Variants in LIPC observed in about 807,000 individuals in gnomAD.
LIPC encodes hepatic triacylglycerol lipase.
In LIPC, 44 loss-of-function variants were observed where a neutral mutation model predicts 50.7. That is an observed-to-expected ratio of 0.87 (90% CI 0.68 to 1.11). The LOEUF (loss-of-function observed/expected upper bound fraction) is 1.11, where lower values mean the gene tolerates loss of function less well. LIPC is among the 50% of genes most tolerant of loss of function. LIPC has a pLI of 0.00. For missense variants in LIPC, 697 were observed against 648.2 expected, an observed-to-expected ratio of 1.08 and a Z score of -0.82; for synonymous variants, 271 against 256.4, an observed-to-expected ratio of 1.06 and a Z score of -0.54.
chr15:58,541,888 C>G lies in LIPC; in HGVS notation c.377C>G (p.Ala126Gly), dbSNP rs768409840. The change falls in exon 3 of 9, where the codon GCC (alanine) becomes GGC (glycine). Residue 126 changes from alanine (A) to glycine (G), a missense_variant. Transcript: ENST00000299022. ...GGGCTGGTGGACTGGATCACCCTGG[C>G]CCACGACCACTACACCATCGCCGTC... ...NVGLVDWITL[A>G]HDHYTIAVRN... The G allele has an allele frequency of 1.9e-6, 3 of 1,612,170 alleles. No homozygotes were observed. Among genetic ancestry groups the G allele is most frequent in the Non-Finnish European group, 1.7e-6 (2 of 1,179,976 alleles).
intron 1 of LIPC, among the ~76,000 whole-genome samples, chr15:58,469,391 T>C (rs1250320858): frequency 2.0e-5 from 3 of 152,196 alleles, no homozygotes; most frequent in Admixed American, 2.0e-4. Flanking sequence ...GAGTACTGAT[T>C]ACCAAAGGAA....
intron 1 of LIPC, among the ~76,000 whole-genome samples, chr15:58,469,019 A>C (rs1894679561): frequency 6.6e-6 from 1 of 152,110 alleles, no homozygotes; most frequent in Non-Finnish European, 1.5e-5. Context: ...TGAAAACGTC[A>C]TGATGAGGTA....
chr15:58,439,947 A>T (rs1328546127), intron 1 of LIPC, among the ~76,000 whole-genome samples: 1 of 152,112 alleles, frequency 6.6e-6, no homozygotes, highest in East Asian at 1.9e-4. Context: ...CTTCCTACAG[A>T]AACAACACGA....
At chr15:58,478,741 G>T (rs116267716) in intron 1 of LIPC, among the ~76,000 whole-genome samples, 3 of 152,160 alleles carry the variant, frequency 2.0e-5, no homozygotes, top group Non-Finnish European at 4.4e-5. Flanking sequence ...ACTACTGCAC[G>T]CTTGTTTTGT....
intron 1 of LIPC, chr15:58,454,970 T>C (rs1894055128): frequency 6.6e-6 from 1 of 152,262 alleles, no homozygotes; most frequent in Non-Finnish European, 1.5e-5. Context: ...AAAACTCCTC[T>C]GTTCTCATTT....
In LIPC at chr15:58,437,140, T is replaced by C. The variant is rs75453692; in HGVS notation, c.88+5020T>C. ...ATGAAGTTCAGAAACAAAAGCCTAT[T>C]GCTGGCCCCTAAGCACTCACAGTTT... On this transcript the variant is annotated intron_variant, in intron 1 of 8. Transcript: ENST00000299022. Among the ~76,000 whole-genome samples, 1,253 of 152,292 alleles carry C rather than the reference T, an allele frequency of 8.2e-3. 16 individuals are homozygous for C. The highest frequency in any genetic ancestry group is 0.029 in the African/African-American group (1,215 of 41,562).
At chr15:58,563,364 T>C (rs1566953256) in intron 7 of LIPC, 141 bp from the exon 8 acceptor site, 3 of 721,898 alleles carry the variant, frequency 4.2e-6, no homozygotes, top group East Asian at 5.4e-5. Flanking sequence ...ACTCTATCAA[T>C]AGTCTGTTGA....
chr15:58,485,513 C>A (rs956073805), intron 1 of LIPC, among the ~76,000 whole-genome samples: 1 of 152,170 alleles, frequency 6.6e-6, no homozygotes, highest in African/African-American at 2.4e-5. Flanking sequence ...GACCCTCGCA[C>A]GTGCTGATCT....
chr15:58,503,354 G>T (rs950648439), intron 1 of LIPC, among the ~76,000 whole-genome samples: 1 of 152,190 alleles, frequency 6.6e-6, no homozygotes, highest in Non-Finnish European at 1.5e-5. Flanking sequence ...AAGGAGTGGA[G>T]GGGGCAGAGT....
At chr15:58,456,063 C>T (rs1300727755) in intron 1 of LIPC, 2 of 151,730 alleles carry the variant, frequency 1.3e-5, no homozygotes, top group South Asian at 2.1e-4. Context: ...GACAGAGAGC[C>T]GTAAAGCATG....
At chr15:58,485,239 T>C (rs1394008630) in intron 1 of LIPC, among the ~76,000 whole-genome samples, 1 of 152,138 alleles carries the variant, frequency 6.6e-6, no homozygotes, top group Non-Finnish European at 1.5e-5. Flanking sequence ...GAGTTGATAC[T>C]CCCTTGGATG....
At chr15:58,491,162 G>A (rs955823661) in intron 1 of LIPC, among the ~76,000 whole-genome samples, 6 of 152,136 alleles carry the variant, frequency 3.9e-5, no homozygotes, top group East Asian at 3.9e-4. Flanking sequence ...GTGCACACAC[G>A]CCCGCCCCAT....
At chr15:58,538,600 A>T in intron 2 of LIPC, 83 bp downstream of exon 2, 1 of 1,390,544 alleles carries the variant, frequency 7.2e-7, no homozygotes, top group South Asian at 1.2e-5. Context: ...TCATAAAAAG[A>T]TAGGGAGCTG....
intron 1 of LIPC, among the ~76,000 whole-genome samples, chr15:58,445,706 C>T (rs1467572137): frequency 6.6e-6 from 1 of 152,196 alleles, no homozygotes; most frequent in Non-Finnish European, 1.5e-5. Context: ...CATCACTTCC[C>T]AGCACGTGGC....
chr15:58,449,963 A>C lies in LIPC; in HGVS notation c.88+17843A>C, dbSNP rs536312995. ...CCATCAGATATTCTAATGTCCTCCGAGGCTCTGGAACAAAGACCAGAGGGA... is the reference window on the plus strand; with the variant it reads ...CCATCAGATATTCTAATGTCCTCCGCGGCTCTGGAACAAAGACCAGAGGGA... On this transcript the variant is annotated intron_variant, in intron 1 of 8. Transcript: ENST00000299022. Among the ~76,000 whole-genome samples, 17 of 152,298 alleles carry C rather than the reference A, an allele frequency of 1.1e-4. No homozygotes were observed. The South Asian group carries it at 3.5e-3, about 32-fold the overall frequency.
Position 58,548,568 on chromosome 15 carries a change from CA to C in LIPC, c.1050del (p.Val351PhefsTer63). 6.3e-7 allele frequency: 1 copy of C among 1,590,334 alleles called. No homozygotes were observed. On this transcript the variant is annotated frameshift_variant, in exon 6 of 9. Transcript: ENST00000299022. LOFTEE classifies it high-confidence loss of function. ...FLVTRAQSPF[K>X]VYHYQFKIQF... Reference sequence around the variant, plus strand: ...TCGTAACGCGAGCCCAGTCCCCCTTCAAAGGTGAGTGTGGAGCTGGGGAGCC... The same window carrying C: ...TCGTAACGCGAGCCCAGTCCCCCTTCAAGGTGAGTGTGGAGCTGGGGAGCC...
At chr15:58,468,336 A>G (rs1894650818) in intron 1 of LIPC, among the ~76,000 whole-genome samples, 1 of 152,148 alleles carries the variant, frequency 6.6e-6, no homozygotes, top group African/African-American at 2.4e-5. Flanking sequence ...GTTGTCCCCA[A>G]ACCAGCAGCA....
chr15:58,435,944 C>T (rs1333183956), intron 1 of LIPC: 10 of 152,164 alleles, frequency 6.6e-5, no homozygotes, highest in Admixed American at 3.3e-4. Flanking sequence ...AGGCAAAGCT[C>T]TTTCCAGAAA....
intron 1 of LIPC, among the ~76,000 whole-genome samples, chr15:58,479,818 T>C (rs905538107): frequency 6.6e-6 from 1 of 152,226 alleles, no homozygotes; most frequent in East Asian, 1.9e-4. Flanking sequence ...TCTCTAGCTG[T>C]TGGTGAGGGA....
Sources: gnomAD v4.1 joint callset for allele counts (sites outside exome capture counted in the v4.1 genomes callset) on GRCh38, gnomAD v4.1.1 for gene constraint, MANE v1.5 for transcripts, NCBI Gene and HGNC (gene_info 2026-07-23, HGNC 2026-07-21) for gene names.